Variants in EVC observed in about 807,000 individuals in gnomAD.
EVC encodes EvC ciliary complex subunit 1.
A neutral mutation model predicts 118.9 loss-of-function variants in EVC; 116 were observed. That is an observed-to-expected ratio of 0.98 (90% confidence interval 0.84 to 1.14). The LOEUF is 1.14. Ranked by LOEUF, EVC falls within the 50% of genes most tolerant of loss-of-function variation. The pLI is 0.00. For synonymous variants in EVC, 619 were observed against 534.7 expected, an observed-to-expected ratio of 1.16 and a Z score of -2.18; for missense variants, 1,401 against 1,246.4, an observed-to-expected ratio of 1.12 and a Z score of -1.87.
At chr4:5,718,077 TA>T (rs1458752372) in intron 1 of EVC, among the ~76,000 whole-genome samples, 1 of 152,158 alleles carries the variant, frequency 6.6e-6, no homozygotes, top group Non-Finnish European at 1.5e-5. Flanking sequence ...AGGTAGTGAT[TA>T]AAGGGGAAGT....
chr4:5,750,365 TCAGC>T (rs1730167413), intron 8 of EVC, among the ~76,000 whole-genome samples: 2 of 152,194 alleles, frequency 1.3e-5, no homozygotes, highest in East Asian at 3.8e-4. Flanking sequence ...GGCCAGAGTA[TCAGC>T]CAATAACTTC....
At chr4:5,815,686 G>A (rs537788057), downstream of EVC, among the ~76,000 whole-genome samples, 2 of 152,188 alleles carry the variant, frequency 1.3e-5, no homozygotes, top group South Asian at 4.1e-4. Flanking sequence ...ATGGAAACCA[G>A]AGGAGTGGGA....
chr4:5,795,119 A>G (rs1221101297), intron 13 of EVC, among the ~76,000 whole-genome samples: 1 of 152,168 alleles, frequency 6.6e-6, no homozygotes, highest in African/African-American at 2.4e-5. Flanking sequence ...CCATTTCTTT[A>G]TCCAATCCAC....
chr4:5,751,157 C>A lies in EVC; in HGVS notation c.1099-1679C>A, dbSNP rs899695. On this transcript the variant is annotated intron_variant, in intron 8 of 20. Transcript: ENST00000264956. ...TCCCTGGCCGTTGTTCTCAATGCTT[C>A]ACGTATTTTGACTTACTTAATCCTC... 7.9e-5 allele frequency among the ~76,000 whole-genome samples: 12 copies of A among 152,220 alleles called. No individual in the cohort carries two copies. In the South Asian group the frequency reaches 2.5e-3, roughly 32 times the overall value.
Position 5,742,183 on chromosome 4 carries a change from T to C in EVC, c.801+369T>C, listed in dbSNP as rs914148421. On this transcript the variant is annotated intron_variant, in intron 6 of 20. Transcript: ENST00000264956. The surrounding 1 kb of genome is among the most constrained non-coding windows in gnomAD (Gnocchi z 5.2). ...TCTTTTATGGAAAGTTTATTTTGTC[T>C]CAGGCGCAGCAAAGAGTCAGGGCTT... Among the ~76,000 whole-genome samples, 4 of 151,540 alleles carry C rather than the reference T, an allele frequency of 2.6e-5. No homozygotes were observed. Among genetic ancestry groups the C allele is most frequent in the African/African-American group, 9.7e-5 (4 of 41,412 alleles).
chr4:5,730,218 A>G (rs951928031), intron 3 of EVC, among the ~76,000 whole-genome samples: 1 of 152,190 alleles, frequency 6.6e-6, no homozygotes, highest in African/African-American at 2.4e-5. Flanking sequence ...GATAACATAC[A>G]TGAGGGCTCA....
In EVC at chr4:5,789,836, C is replaced by T. The variant is rs547841437; in HGVS notation, c.1777-3772C>T. On this transcript the variant is annotated intron_variant, in intron 12 of 20. Coordinates refer to ENST00000264956, the MANE Select transcript of EVC (RefSeq NM_153717.3). The surrounding 1 kb of genome is among the most constrained non-coding windows in gnomAD (Gnocchi z 4.3). ...TAGTTTAAGCTGCATTCTCAAAACA[C>T]GCAGCAAAGACCCCTATATACTTTA... Among the ~76,000 whole-genome samples the T allele has an allele frequency of 7.2e-5, 11 of 152,276 alleles. No homozygotes were observed. The highest frequency in any genetic ancestry group is 2.2e-4 in the African/African-American group (9 of 41,550).
rs146189180 is a variant in EVC, at chr4:5,740,804, G to A, written c.703-912G>A. 4.3e-3 allele frequency among the ~76,000 whole-genome samples: 653 copies of A among 152,238 alleles called. 5 individuals are homozygous for A. Among genetic ancestry groups the A allele is most frequent in the African/African-American group, 0.014 (581 of 41,532 alleles). On this transcript the variant is annotated intron_variant, in intron 5 of 20. Coordinates refer to ENST00000264956, the MANE Select transcript of EVC (RefSeq NM_153717.3). Reference sequence around the variant, plus strand: ...CATGAACAGATATTTCACCAAAAAGGATATATAGATGGTAAGTAAACACGT... The same window carrying A: ...CATGAACAGATATTTCACCAAAAAGAATATATAGATGGTAAGTAAACACGT...
chr4:5,827,634 T>C, the EVC span, among the ~76,000 whole-genome samples: 1 of 149,958 alleles, frequency 6.7e-6, no homozygotes, highest in South Asian at 2.1e-4. Flanking sequence ...ACACACACAC[T>C]CCAACACACG....
At position 5,768,806 on chromosome 4, in the gene EVC, G is replaced by A. The variant is rs546220868; in HGVS notation, c.1563+12444G>A. ...CAGGAGGTGGAGGTTGCAGTGAGGC[G>A]AGATCACACCACTGTACTCTAGCCT... On this transcript the variant is annotated intron_variant, in intron 11 of 20. Transcript: ENST00000264956. 4.3e-3 allele frequency among the ~76,000 whole-genome samples: 638 copies of A among 147,050 alleles called. 3 individuals are homozygous for A. The highest frequency in any genetic ancestry group is 7.1e-3 in the Non-Finnish European group (473 of 66,600).
intron 2 of EVC, among the ~76,000 whole-genome samples, chr4:5,720,275 C>T (rs1407305480): frequency 6.6e-6 from 1 of 152,228 alleles, no homozygotes; most frequent in Non-Finnish European, 1.5e-5. Context: ...TGCCAACACT[C>T]ACGTGAATGA....
the EVC span, among the ~76,000 whole-genome samples, chr4:5,827,603 C>T: frequency 2.0e-5 from 3 of 151,964 alleles, no homozygotes; most frequent in African/African-American, 7.3e-5. Context: ...TCACCACATG[C>T]TCGCATACAC....
intron 12 of EVC, among the ~76,000 whole-genome samples, chr4:5,784,606 ATTTTT>A (rs35237111): frequency 9.0e-6 from 1 of 111,218 alleles, no homozygotes; most frequent in Non-Finnish European, 1.8e-5. Context: ...ATACACATTG[ATTTTT>A]TTTTTTTTTT....
chr4:5,794,283 ATATATTTTTATATATT>A (rs1194577514), intron 13 of EVC, among the ~76,000 whole-genome samples: 1 of 122,514 alleles, frequency 8.2e-6, no homozygotes, highest in African/African-American at 3.1e-5. Flanking sequence ...ATATATTTAT[ATATATTTTTATATATT>A]TATATTTTTA....
At chr4:5,761,291 G>A (rs74548527) in intron 11 of EVC, among the ~76,000 whole-genome samples, 1,784 of 152,142 alleles carry the variant, frequency 0.012, 57 homozygotes, top group African/African-American at 0.039. Context: ...TGAGCCCAGT[G>A]GGGATGAGCC....
chr4:5,736,264 T>C (rs904242422), intron 5 of EVC, among the ~76,000 whole-genome samples: 2 of 151,038 alleles, frequency 1.3e-5, no homozygotes, highest in Non-Finnish European at 2.9e-5. Flanking sequence ...ATACATGGGG[T>C]AAAATTGCAT....
chr4:5,828,193 C>G, the EVC span: 1 of 985,388 alleles, frequency 1.0e-6, no homozygotes, highest in Non-Finnish European at 1.2e-6. Context: ...TAAGATGACG[C>G]AGGACAGCGC....
At chr4:5,795,594 G>T (rs1713798036) in intron 13 of EVC, among the ~76,000 whole-genome samples, 1 of 152,236 alleles carries the variant, frequency 6.6e-6, no homozygotes, top group South Asian at 2.1e-4. Flanking sequence ...GGAGGTTGCA[G>T]TGAGCTGAGA....
intron 3 of EVC, among the ~76,000 whole-genome samples, chr4:5,730,072 A>G (rs1287538862): frequency 6.6e-6 from 1 of 152,218 alleles, no homozygotes; most frequent in Non-Finnish European, 1.5e-5. Flanking sequence ...CTCTGGAGTC[A>G]CAGCATCTCA....
Sources: gnomAD v4.1 joint callset for allele counts (sites outside exome capture counted in the v4.1 genomes callset) on GRCh38, gnomAD v4.1.1 for gene constraint, Gnocchi (gnomAD v3.1) non-coding constraint, MANE v1.5 for transcripts, NCBI Gene and HGNC (gene_info 2026-07-23, HGNC 2026-07-21) for gene names.